The following PIK3CB variants were observed in gnomAD, a reference collection of about 807,000 sequenced individuals.
PIK3CB encodes the protein phosphatidylinositol-4,5-bisphosphate 3-kinase catalytic subunit beta.
In PIK3CB, 39 loss-of-function variants were observed where a neutral mutation model predicts 136.8. That is an observed-to-expected ratio of 0.29 (90% confidence interval 0.22 to 0.37). The LOEUF (loss-of-function observed/expected upper bound fraction) is 0.37. PIK3CB is among the 10% of genes least tolerant of loss of function. The pLI is 1.00. For synonymous variants in PIK3CB, 428 were observed against 436.6 expected, an observed-to-expected ratio of 0.98 and a Z score of 0.25; for missense variants, 868 against 1,275.4, an observed-to-expected ratio of 0.68 and a Z score of 4.87.
chr3:138,671,456 T>C (rs1402470038), intron 19 of PIK3CB, among the ~76,000 whole-genome samples: 1 of 151,934 alleles, frequency 6.6e-6, no homozygotes, highest in Admixed American at 6.6e-5. Context: ...TAAATCACAT[T>C]AAAAAAATGA....
rs1425827503 is a variant in PIK3CB at position 138,698,788 on chromosome 3, A to T, written c.1770+119T>A. Reference sequence around the variant, plus strand: ...GAGTATAAGAGTTTAAAACCTCAAAATTTCTCCTGCTTAAATTATCCTATC... The same window carrying T: ...GAGTATAAGAGTTTAAAACCTCAAATTTTCTCCTGCTTAAATTATCCTATC... On this transcript the variant is annotated intron_variant, in intron 13 of 23. Transcript: ENST00000674063. 43 of 564,348 alleles carry T rather than the reference A, an allele frequency of 7.6e-5. 1 individual carries two copies. The East Asian group carries it at 1.2e-3, about 16-fold the overall frequency. 35.0% of individuals were successfully genotyped at this position (564,348 alleles called of 1,614,324 possible). A position where few individuals can be genotyped will look rare whatever the true frequency, so the allele number is the denominator to read the frequency against.
At chr3:138,664,546 C>CT (rs2043366690) in intron 20 of PIK3CB, among the ~76,000 whole-genome samples, 1 of 152,176 alleles carries the variant, frequency 6.6e-6, no homozygotes, top group Admixed American at 6.5e-5. Flanking sequence ...TAAAATGTGT[C>CT]TGACTCTGAA....
chr3:138,800,303 AAC>A (rs2046157745), intron 1 of PIK3CB, among the ~76,000 whole-genome samples: 1 of 152,090 alleles, frequency 6.6e-6, no homozygotes, highest in Admixed American at 6.6e-5. Flanking sequence ...TGGAGAATAG[AAC>A]AGTCTTGAGG....
At chr3:138,726,233 A>G (rs1436780787) in intron 8 of PIK3CB, among the ~76,000 whole-genome samples, 1 of 152,240 alleles carries the variant, frequency 6.6e-6, no homozygotes, top group African/African-American at 2.4e-5. Context: ...AAGCTTATAA[A>G]CACAGATAAC....
In PIK3CB at chr3:138,750,400, G is replaced by C. The variant is rs1325216326; in HGVS notation, c.397+5354C>G. 2.0e-5 allele frequency among the ~76,000 whole-genome samples: 3 copies of C among 152,134 alleles called. No homozygotes were observed. The East Asian group carries it at 5.8e-4, about 29-fold the overall frequency. ...TTTGGGATGAAACTGTTCCACCTCA[G>C]ATCATCAGGCATTAGATTCTCGCTC... On this transcript the variant is annotated intron_variant, in intron 4 of 23. Transcript: ENST00000674063.
intron 12 of PIK3CB, among the ~76,000 whole-genome samples, chr3:138,701,115 G>T (rs1411955307): frequency 6.6e-6 from 1 of 151,588 alleles, no homozygotes; most frequent in East Asian, 1.9e-4. Flanking sequence ...TGCATAACTG[G>T]GATCCTAAAC....
chr3:138,656,329 T>C (rs1331533145), intron 22 of PIK3CB, 55 bp from the exon 23 acceptor site: 28 of 1,578,998 alleles, frequency 1.8e-5, no homozygotes, highest in Non-Finnish European at 2.3e-5. Flanking sequence ...AGAGAGCACA[T>C]TTCATACAGG....
chr3:138,823,999 G>A (rs1173419715), intron 1 of PIK3CB, among the ~76,000 whole-genome samples: 2 of 151,412 alleles, frequency 1.3e-5, no homozygotes, highest in African/African-American at 2.5e-5. Flanking sequence ...ATCATCTGCT[G>A]GTTATCTAAC....
intron 1 of PIK3CB, among the ~76,000 whole-genome samples, chr3:138,829,401 A>G (rs1265929927): frequency 6.6e-6 from 1 of 152,192 alleles, no homozygotes; most frequent in Non-Finnish European, 1.5e-5. Flanking sequence ...GTAAGAACAG[A>G]GGCAAGGAGA....
At chr3:138,667,441 G>C (rs967241810) in intron 19 of PIK3CB, among the ~76,000 whole-genome samples, 1 of 152,046 alleles carries the variant, frequency 6.6e-6, no homozygotes, top group Non-Finnish European at 1.5e-5. Flanking sequence ...TTGTGGGGAG[G>C]AGGGAGTATA....
At position 138,759,337 on chromosome 3, in the gene PIK3CB, A is replaced by G; in HGVS notation, c.7T>C (p.Phe3Leu). ...ATAGCAGGAGGCATTATGAAACTGAAGCACATTCATAACCACGGGGCCCTA... is the reference window on the plus strand; with the variant it reads ...ATAGCAGGAGGCATTATGAAACTGAGGCACATTCATAACCACGGGGCCCTA... MCFSFIMPPAMAD... is the reference protein window; with the variant it reads MCLSFIMPPAMAD... Residue 3 changes from phenylalanine (F) to leucine (L), a missense_variant, in exon 3 of 24, where the codon TTC becomes CTC. Physicochemically the swap from Phe to Leu is conservative, Grantham distance 22. Coordinates refer to ENST00000674063, the MANE Select transcript of PIK3CB (RefSeq NM_006219.3). 6.2e-7 allele frequency: 1 copy of G among 1,607,478 alleles called. No individual in the cohort carries two copies. The highest frequency in any genetic ancestry group is 8.5e-7 in the Non-Finnish European group (1 of 1,175,292).
intron 21 of PIK3CB, among the ~76,000 whole-genome samples, chr3:138,660,494 A>G (rs976977760): frequency 1.3e-5 from 2 of 151,938 alleles, no homozygotes; most frequent in African/African-American, 2.4e-5. Context: ...TTTGGTTTCT[A>G]TCTTTCATGG....
chr3:138,770,118 C>A (rs182826853), intron 2 of PIK3CB: 90 of 152,256 alleles, frequency 5.9e-4, no homozygotes, highest in African/African-American at 1.9e-3. Context: ...AGATCAAAGG[C>A]TAAGGACAAG....
chr3:138,762,297 G>A (rs1263028327), intron 2 of PIK3CB, among the ~76,000 whole-genome samples: 1 of 152,068 alleles, frequency 6.6e-6, no homozygotes, highest in Non-Finnish European at 1.5e-5. Context: ...GAAATAATCT[G>A]GGAAATTTAA....
chr3:138,826,264 G>A (rs1933778174), intron 1 of PIK3CB: 10 of 1,591,146 alleles, frequency 6.3e-6, no homozygotes, highest in Non-Finnish European at 8.5e-6. Flanking sequence ...CAAAGCAGTG[G>A]ACAAGAAGGC....
intron 6 of PIK3CB, among the ~76,000 whole-genome samples, chr3:138,736,187 T>A (rs2045099623): frequency 6.6e-6 from 1 of 152,190 alleles, no homozygotes; most frequent in Admixed American, 6.5e-5. Context: ...CCACCAAGCA[T>A]TTTTCATCTT....
chr3:138,690,223 CAAAGA>C (rs1376278934), intron 15 of PIK3CB, among the ~76,000 whole-genome samples: 1 of 136,276 alleles, frequency 7.3e-6, no homozygotes, highest in East Asian at 2.1e-4. Context: ...AGAAGCTCAG[CAAAGA>C]AAAGAAAAAA....
At chr3:138,714,417 T>C (rs186894983) in intron 9 of PIK3CB, 51 bp downstream of exon 9, 17 of 1,314,922 alleles carry the variant, frequency 1.3e-5, no homozygotes, top group Admixed American at 4.4e-5. Flanking sequence ...CAAACAGTCT[T>C]AAAATTATTC....
Position 138,657,579 on chromosome 3 carries a change from A to G in PIK3CB, c.2942+111T>C, listed in dbSNP as rs571820918. 20 of 942,572 alleles carry G rather than the reference A, an allele frequency of 2.1e-5. No individual in the cohort carries two copies. In the African/African-American group the frequency reaches 2.9e-4, roughly 14 times the overall value. 58.4% of individuals were successfully genotyped at this position (942,572 alleles called of 1,614,324 possible). A position where few individuals can be genotyped will look rare whatever the true frequency, so the allele number is the denominator to read the frequency against. ...ATTCCCCCAAAAGCTTCCTATAATCAGACTGAATATCTCCCAGATCCAAAT... is the reference window on the plus strand; with the variant it reads ...ATTCCCCCAAAAGCTTCCTATAATCGGACTGAATATCTCCCAGATCCAAAT... On this transcript the variant is annotated intron_variant, in intron 22 of 23. Transcript: ENST00000674063.
Sources: gnomAD v4.1 joint callset for allele counts (sites outside exome capture counted in the v4.1 genomes callset) on GRCh38, gnomAD v4.1.1 for gene constraint, MANE v1.5 for transcripts, NCBI Gene and HGNC (gene_info 2026-07-23, HGNC 2026-07-21) for gene names.